The following ENPP6 variants were observed in gnomAD, a reference collection of about 807,000 sequenced individuals.
The protein encoded by ENPP6 is ectonucleotide pyrophosphatase/phosphodiesterase 6.
ENPP6 carries 32 observed loss-of-function variants against 42.0 expected under a neutral mutation model. The ratio of observed to expected loss-of-function variants is 0.76; its 90% CI spans 0.58 to 1.02. The LOEUF (loss-of-function observed/expected upper bound fraction) is 1.02, where lower values mean the gene tolerates loss of function less well. Among genes scored for constraint, ENPP6 ranks in the 50% least tolerant of loss-of-function variants. The pLI is 0.00. For synonymous variants in ENPP6, 213 were observed against 216.0 expected (o/e 0.99, Z 0.12); for missense variants, 552 against 566.8 (o/e 0.97, Z 0.27).
In ENPP6 at chr4:184,217,832, C is replaced by G. The variant is rs751819141; in HGVS notation, c.-13G>C. On this transcript the variant is annotated 5_prime_UTR_variant, in exon 1 of 8. Transcript: ENST00000296741. ...GCTTCACTGCCATGCTGCCAGGAGC[C>G]TGCCAGAGCCCGGCTGGCACAGCTG... is the stretch of plus-strand genomic sequence containing the variant. 1.9e-6 allele frequency: 3 copies of G among 1,611,862 alleles called. No individual in the cohort carries two copies. The highest frequency in any genetic ancestry group is 2.5e-6 in the Non-Finnish European group (3 of 1,179,230).
chr4:184,130,431 A>G (rs7687566), intron 2 of ENPP6, among the ~76,000 whole-genome samples: 34,583 of 71,940 alleles, frequency 0.48, 9,076 homozygotes, highest in Middle Eastern at 0.56. Flanking sequence ...GGTGGTGGGC[A>G]CCTGTAGTCC....
At chr4:184,143,254 C>T (rs1579632542) in intron 2 of ENPP6, among the ~76,000 whole-genome samples, 1 of 152,230 alleles carries the variant, frequency 6.6e-6, no homozygotes, top group East Asian at 1.9e-4. Context: ...CTTCCTCACC[C>T]CTCCAATTTG....
chr4:184,152,489 A>C (rs980376372), intron 2 of ENPP6, among the ~76,000 whole-genome samples: 1 of 151,962 alleles, frequency 6.6e-6, no homozygotes, highest in African/African-American at 2.4e-5. Flanking sequence ...CATCTCCTAC[A>C]GGCTGCTCTT....
rs117454729 is a variant in ENPP6 at position 184,174,759 on chromosome 4, G to A, written c.242-21026C>T. On this transcript the variant is annotated intron_variant, in intron 1 of 7. Coordinates refer to ENST00000296741, the MANE Select transcript of ENPP6 (RefSeq NM_153343.4). ...AGTTTGATGGCCCATGTTCAGAGAC[G>A]TTGCACGATTTAGCAAAGTGTGTAA... 8.2e-4 allele frequency among the ~76,000 whole-genome samples: 74 copies of A among 90,236 alleles called. No individual in the cohort carries two copies. In the East Asian group the frequency reaches 0.025, roughly 31 times the overall value. The allele number at this position is 90,236 out of a possible 152,430, so 59.2% of individuals were successfully genotyped here.
chr4:184,118,768 G>C (rs915668018), intron 3 of ENPP6, among the ~76,000 whole-genome samples: 1 of 152,150 alleles, frequency 6.6e-6, no homozygotes, highest in Non-Finnish European at 1.5e-5. Flanking sequence ...TGAATTGTTT[G>C]GGTGAGGAGT....
intron 1 of ENPP6, among the ~76,000 whole-genome samples, chr4:184,159,615 C>G (rs1462911834): frequency 6.6e-6 from 1 of 152,122 alleles, no homozygotes; most frequent in African/African-American, 2.4e-5. Flanking sequence ...AAATTTGAAT[C>G]ATGTTGTTGG....
intron 2 of ENPP6, among the ~76,000 whole-genome samples, chr4:184,138,559 T>A (rs781730667): frequency 3.3e-5 from 5 of 152,240 alleles, no homozygotes. Context: ...ATATTCTTGA[T>A]GAGTGAGAGG....
intron 5 of ENPP6, among the ~76,000 whole-genome samples, chr4:184,113,890 C>CTTTT (rs1736256082): frequency 6.9e-6 from 1 of 144,362 alleles, no homozygotes; most frequent in African/African-American, 2.6e-5. Context: ...TTTTTCCTTC[C>CTTTT]TTTCTTTCTT....
At chr4:184,155,168 A>G (rs957087835) in intron 1 of ENPP6, among the ~76,000 whole-genome samples, 1 of 152,218 alleles carries the variant, frequency 6.6e-6, no homozygotes, top group African/African-American at 2.4e-5. Context: ...GTATGTTCTC[A>G]CCAACTCATT....
At chr4:184,141,475 A>G (rs1323933341) in intron 2 of ENPP6, among the ~76,000 whole-genome samples, 1 of 152,222 alleles carries the variant, frequency 6.6e-6, no homozygotes, top group Non-Finnish European at 1.5e-5. Context: ...CACAATTTCA[A>G]ACATTAATCA....
intron 2 of ENPP6, among the ~76,000 whole-genome samples, chr4:184,131,857 G>A (rs1451817835): frequency 1.3e-5 from 2 of 149,852 alleles, no homozygotes; most frequent in Non-Finnish European, 3.0e-5. Context: ...ATATTATGAG[G>A]AATTGGCTTC....
chr4:184,100,133 GC>G (rs1163485794), intron 6 of ENPP6, among the ~76,000 whole-genome samples: 1 of 152,180 alleles, frequency 6.6e-6, no homozygotes, highest in African/African-American at 2.4e-5. Flanking sequence ...ATAACAAGTT[GC>G]CCCAGAAAAA....
At chr4:184,112,440 AGC>A (rs1736209332) in intron 6 of ENPP6, among the ~76,000 whole-genome samples, 1 of 152,238 alleles carries the variant, frequency 6.6e-6, no homozygotes, top group East Asian at 1.9e-4. Context: ...GTTAAAACAC[AGC>A]GAGTCTGGAG....
Position 184,217,434 on chromosome 4 carries a change from A to G in ENPP6, c.241+145T>C, listed in dbSNP as rs573931312. 7.5e-6 allele frequency: 9 copies of G among 1,203,568 alleles called. No homozygotes were observed. The African/African-American group carries it at 1.1e-4, about 14-fold the overall frequency. 74.6% of individuals were successfully genotyped at this position (1,203,568 alleles called of 1,614,324 possible). On this transcript the variant is annotated intron_variant, in intron 1 of 7. Transcript: ENST00000296741. The stretch of plus-strand genomic sequence containing the variant: ...AAAACAAAAGTCTTCTCAGCCAAGA[A>G]CACAGATTTTTTTTATCTACCTTTG...
At chr4:184,148,156 T>C (rs2111374496) in intron 2 of ENPP6, among the ~76,000 whole-genome samples, 1 of 152,312 alleles carries the variant, frequency 6.6e-6, no homozygotes, top group African/African-American at 2.4e-5. Context: ...CACTGGATGG[T>C]AAGTTCTCGG....
chr4:184,182,687 T>C (rs1021037600), intron 1 of ENPP6, among the ~76,000 whole-genome samples: 1 of 152,174 alleles, frequency 6.6e-6, no homozygotes, highest in African/African-American at 2.4e-5. Context: ...TAAAAAAGAA[T>C]GAGATTTTTG....
At chr4:184,213,434 T>C (rs1733148331) in intron 1 of ENPP6, among the ~76,000 whole-genome samples, 1 of 152,016 alleles carries the variant, frequency 6.6e-6, no homozygotes, top group South Asian at 2.1e-4. Context: ...GCGAAGGACA[T>C]GAACAGACAC....
At chr4:184,172,846 A>C (rs1737490793) in intron 1 of ENPP6, among the ~76,000 whole-genome samples, 2 of 152,202 alleles carry the variant, frequency 1.3e-5, no homozygotes, top group Non-Finnish European at 2.9e-5. Context: ...GCGAGAGGAA[A>C]TGTACATTCG....
chr4:184,195,596 C>T (rs1337250969), intron 1 of ENPP6, among the ~76,000 whole-genome samples: 3 of 152,148 alleles, frequency 2.0e-5, no homozygotes, highest in Non-Finnish European at 1.5e-5. Flanking sequence ...TCCCATTCCC[C>T]GTCCCCACAG....
Sources: gnomAD v4.1 joint callset for allele counts (sites outside exome capture counted in the v4.1 genomes callset) on GRCh38, gnomAD v4.1.1 for gene constraint, MANE v1.5 for transcripts, NCBI Gene and HGNC (gene_info 2026-07-23, HGNC 2026-07-21) for gene names.